The following ARHGEF3 variants were observed in gnomAD, a reference collection of about 807,000 sequenced individuals.
The protein encoded by ARHGEF3 is Rho guanine nucleotide exchange factor 3, also known as 59.8 kDA protein.
ARHGEF3 carries 28 observed loss-of-function variants against 63.2 expected under a neutral mutation model. The ratio of observed to expected loss-of-function variants is 0.44; its 90% CI spans 0.33 to 0.61. The LOEUF (loss-of-function observed/expected upper bound fraction) is 0.61, where lower values mean the gene tolerates loss of function less well. ARHGEF3 is among the 20% of genes least tolerant of loss of function. The pLI is 0.03. For missense variants in ARHGEF3, 533 were observed against 659.3 expected, an observed-to-expected ratio of 0.81 and a Z score of 2.10; for synonymous variants, 266 against 254.2, an observed-to-expected ratio of 1.05 and a Z score of -0.44.
At chr3:57,073,165 A>G (rs1370765691) in intron 1 of ARHGEF3, among the ~76,000 whole-genome samples, 1 of 152,248 alleles carries the variant, frequency 6.6e-6, no homozygotes, top group Non-Finnish European at 1.5e-5. Flanking sequence ...AACAAAAGCA[A>G]GAGAAATCTA....
At chr3:56,969,832 T>C (rs1012004293) in intron 2 of ARHGEF3, among the ~76,000 whole-genome samples, 5 of 151,592 alleles carry the variant, frequency 3.3e-5, no homozygotes, top group Admixed American at 1.3e-4. Context: ...AAATGTGATA[T>C]ATCCATACAA....
In ARHGEF3 at chr3:56,923,335, G is replaced by T. The variant is rs530630790; in HGVS notation, c.129+35488C>A. ...ATAAAATATTTTTTAAAAGACAAAG[G>T]CACAGTAATAATTTATTTTTTTTCA... is the stretch of plus-strand genomic sequence containing the variant. On this transcript the variant is annotated intron_variant, in intron 3 of 12. Coordinates refer to the ARHGEF3 transcript ENST00000338458. Among the ~76,000 whole-genome samples the T allele has an allele frequency of 1.4e-3, 217 of 151,780 alleles. 1 individual carries two copies. The highest frequency in any genetic ancestry group is 5.0e-3 in the African/African-American group (208 of 41,386).
At position 56,773,776 on chromosome 3, in the gene ARHGEF3, G is replaced by A. The variant is rs2036134835; in HGVS notation, c.137C>T (p.Thr46Met). 1.9e-6 allele frequency: 3 copies of A among 1,602,638 alleles called. No individual in the cohort carries two copies. Among genetic ancestry groups the A allele is most frequent in the Admixed American group, 3.5e-5 (2 of 56,660 alleles). The change falls in exon 2 of 10, where the codon ACG becomes ATG. Residue 46 changes from threonine to methionine, a missense_variant. Around this residue, in one of 4 missense-constraint regions of ARHGEF3, gnomAD observed 160 missense variants for 157.3 expected, o/e 1.02. Transcript: ENST00000296315. ...GGGCGGGATGAGGTTTGCTAGCGAC[G>A]TGACTCGGGAAAGGGGTTTGACCCG... ...NKRVKPLSRV[T>M]SLANLIPPVK...
chr3:56,944,350 C>A (rs1699354479), intron 3 of ARHGEF3, among the ~76,000 whole-genome samples: 2 of 152,006 alleles, frequency 1.3e-5, no homozygotes, highest in Admixed American at 1.3e-4. Context: ...AAAATTCCAA[C>A]ATTAACAGGA....
chr3:56,885,071 A>G (rs1398229496), intron 3 of ARHGEF3, among the ~76,000 whole-genome samples: 1 of 152,126 alleles, frequency 6.6e-6, no homozygotes, highest in Non-Finnish European at 1.5e-5. Context: ...GGAGCACTGT[A>G]CTGAGAAGGA....
At chr3:56,798,537 GTTTTTTTTTTTT>G (rs368922829) in intron 1 of ARHGEF3, among the ~76,000 whole-genome samples, 2 of 139,276 alleles carry the variant, frequency 1.4e-5, no homozygotes, top group Non-Finnish European at 3.0e-5. Context: ...TCTTTACTTC[GTTTTTTTTTTTT>G]TTTTTTTTTA....
chr3:57,079,243 T>C, exon 1 of ARHGEF3: 1 of 396,288 alleles, frequency 2.5e-6, no homozygotes, highest in East Asian at 3.6e-5. Flanking sequence ...CCCGCGCTGG[T>C]TCGGCCTCTC....
At chr3:56,765,329 C>G (rs1369119213) in intron 2 of ARHGEF3, among the ~76,000 whole-genome samples, 1 of 152,126 alleles carries the variant, frequency 6.6e-6, no homozygotes, top group East Asian at 1.9e-4. Context: ...GCTTTACTGG[C>G]CCAACCAGAA....
At chr3:56,958,056 T>A (rs944324591) in intron 3 of ARHGEF3, among the ~76,000 whole-genome samples, 2 of 152,184 alleles carry the variant, frequency 1.3e-5, no homozygotes, top group African/African-American at 4.8e-5. Flanking sequence ...TTATGATTCC[T>A]AAAATCTGTT....
intron 4 of ARHGEF3, among the ~76,000 whole-genome samples, chr3:56,860,402 C>T (rs1010562061): frequency 3.9e-5 from 6 of 152,142 alleles, no homozygotes; most frequent in African/African-American, 1.2e-4. Flanking sequence ...AGGCTGGTCT[C>T]TAGCTCCTGG....
chr3:56,968,199 TATATAAA>T (rs1700711628), intron 2 of ARHGEF3, among the ~76,000 whole-genome samples: 2 of 23,958 alleles, frequency 8.3e-5, no homozygotes, highest in Admixed American at 1.1e-3. Flanking sequence ...TTATATATAA[TATATAAA>T]AATATATATT....
intron 2 of ARHGEF3, among the ~76,000 whole-genome samples, chr3:56,768,044 A>G (rs1019604253): frequency 9.9e-5 from 15 of 151,332 alleles, no homozygotes; most frequent in Non-Finnish European, 1.2e-4. Context: ...CACCATGCCC[A>G]GCCCCAGCCT....
intron 4 of ARHGEF3, among the ~76,000 whole-genome samples, chr3:56,856,241 G>T (rs1042326921): frequency 6.6e-6 from 1 of 152,210 alleles, no homozygotes; most frequent in African/African-American, 2.4e-5. Flanking sequence ...GGGATAATAA[G>T]AGGAACAGGA....
intron 2 of ARHGEF3, among the ~76,000 whole-genome samples, chr3:56,767,188 G>A (rs897079738): frequency 1.9e-4 from 29 of 151,352 alleles, no homozygotes; most frequent in Non-Finnish European, 7.4e-5. Context: ...ACTACTTAAC[G>A]ACATGAAAAA....
intron 2 of ARHGEF3, among the ~76,000 whole-genome samples, chr3:56,995,672 A>AGAGAGAGAGAGAGT (rs1491108597): frequency 7.6e-6 from 1 of 131,430 alleles, no homozygotes; most frequent in African/African-American, 2.8e-5. Flanking sequence ...AGAGAGAGAG[A>AGAGAGAGAGAGAGT]ATTTTTTTTA....
chr3:57,058,537 T>G (rs1285534132), intron 1 of ARHGEF3, among the ~76,000 whole-genome samples: 2 of 152,202 alleles, frequency 1.3e-5, no homozygotes, highest in Non-Finnish European at 2.9e-5. Context: ...ACTTTTACAC[T>G]GTTGGTGGGA....
chr3:56,881,106 C>A (rs1201839908), intron 4 of ARHGEF3, among the ~76,000 whole-genome samples: 1 of 152,122 alleles, frequency 6.6e-6, no homozygotes, highest in African/African-American at 2.4e-5. Flanking sequence ...TAATGAGTTT[C>A]CTTTTCACAA....
chr3:57,038,084 T>C (rs532252420), intron 1 of ARHGEF3, among the ~76,000 whole-genome samples: 1 of 152,104 alleles, frequency 6.6e-6, no homozygotes, highest in Non-Finnish European at 1.5e-5. Context: ...ATCAGAAAAC[T>C]GGGCACAAAG....
At chr3:56,849,086 T>C (rs1028664319) in intron 4 of ARHGEF3, among the ~76,000 whole-genome samples, 4 of 152,340 alleles carry the variant, frequency 2.6e-5, no homozygotes, top group African/African-American at 9.6e-5. Flanking sequence ...TAAAAGAGCT[T>C]TATTTTTATC....
Sources: allele counts gnomAD v4.1 joint callset (sites outside exome capture counted in the v4.1 genomes callset), GRCh38; gene constraint gnomAD v4.1.1; regional missense constraint gnomAD v4.1.1; transcripts MANE v1.5; gene names NCBI Gene and HGNC (gene_info 2026-07-23, HGNC 2026-07-21).